Variants in PDE1C observed in about 807,000 individuals in gnomAD.
The protein encoded by PDE1C is phosphodiesterase 1C.
PDE1C carries 62 observed loss-of-function variants against 93.1 expected under a neutral mutation model. The ratio of observed to expected loss-of-function variants is 0.67; its 90% CI spans 0.54 to 0.82. The LOEUF is 0.82. Among genes scored for constraint, PDE1C ranks in the 40% least tolerant of loss-of-function variants. The probability of loss-of-function intolerance (pLI) is 0.00; values close to 1 mark genes in which losing one functional copy is unlikely to be tolerated. For missense variants in PDE1C, 742 were observed against 884.6 expected (o/e 0.84, Z 2.04); for synonymous variants, 325 against 310.1 (o/e 1.05, Z -0.50).
At position 31,850,906 on chromosome 7, in the gene PDE1C, C is replaced by T. The variant is rs77449259; in HGVS notation, c.751-165G>A. 3.0e-3 allele frequency: 1,819 copies of T among 598,322 alleles called. 29 individuals are homozygous for T. The highest frequency in any genetic ancestry group is 0.03 in the African/African-American group (1,619 of 54,078). The allele number at this position is 598,322 out of a possible 1,614,324, so 37.1% of individuals were successfully genotyped here. On this transcript the variant is annotated intron_variant, in intron 7 of 17. Transcript: ENST00000396191. ...AATAAGTTATTTTCCTGTGAAGAGA[C>T]TTGGAGACTTGTGATTTGTTAACAA...
At chr7:31,709,953 C>T in the PDE1C span, among the ~76,000 whole-genome samples, 1 of 152,046 alleles carries the variant, frequency 6.6e-6, no homozygotes, top group African/African-American at 2.4e-5. Flanking sequence ...AGCTCCAGAT[C>T]AGCCTGGGCA....
At chr7:32,214,624 A>T (rs1361413584) in intron 1 of PDE1C, among the ~76,000 whole-genome samples, 1 of 152,166 alleles carries the variant, frequency 6.6e-6, no homozygotes, top group Non-Finnish European at 1.5e-5. Context: ...AATTACCCCT[A>T]TTCACTTCTT....
At chr7:31,725,566 A>C in the PDE1C span, among the ~76,000 whole-genome samples, 1 of 152,170 alleles carries the variant, frequency 6.6e-6, no homozygotes, top group South Asian at 2.1e-4. Context: ...ATTTGGTTCT[A>C]AGGACTGTCC....
chr7:31,768,624 C>T (rs939176563), intron 17 of PDE1C, among the ~76,000 whole-genome samples: 1 of 152,144 alleles, frequency 6.6e-6, no homozygotes, highest in Non-Finnish European at 1.5e-5. Context: ...AACATCCCGC[C>T]TTCCATCTAT....
chr7:31,928,345 T>A (rs998846381), intron 2 of PDE1C, among the ~76,000 whole-genome samples: 5 of 152,262 alleles, frequency 3.3e-5, no homozygotes, highest in African/African-American at 1.2e-4. Flanking sequence ...TGGAACCAAG[T>A]TGGAAAACAC....
chr7:31,619,198 T>C, the PDE1C span, among the ~76,000 whole-genome samples: 13 of 152,346 alleles, frequency 8.5e-5, no homozygotes, highest in African/African-American at 2.9e-4. Flanking sequence ...GTGTCCTTTC[T>C]ATGTCTATTT....
chr7:32,100,888 C>A lies in PDE1C; in HGVS notation c.308+68897G>T, dbSNP rs75547908. On this transcript the variant is annotated intron_variant, in intron 3 of 18. Transcript: ENST00000396193. Reference sequence around the variant, plus strand: ...AAAAAAAAAGAACTGGACAAACATGCCTGTAAGAAAGGGTTGATTCAATTC... The same window carrying A: ...AAAAAAAAAGAACTGGACAAACATGACTGTAAGAAAGGGTTGATTCAATTC... Among the ~76,000 whole-genome samples, 641 of 152,256 alleles carry A rather than the reference C, an allele frequency of 4.2e-3. 5 individuals carry two copies. The highest frequency in any genetic ancestry group is 0.015 in the African/African-American group (617 of 41,538).
rs1169891525 is a variant in PDE1C at position 32,158,695 on chromosome 7, G to A, written c.308+11090C>T. Among the ~76,000 whole-genome samples the A allele has an allele frequency of 2.6e-5, 4 of 152,218 alleles. No individual in the cohort carries two copies. In the East Asian group the frequency reaches 5.8e-4, roughly 22 times the overall value. Reference sequence around the variant, plus strand: ...TCACAGGCCAGGAAACCTTCATTTCGATGCTACGTGTGCAGGAGACCAAGG... The same window carrying A: ...TCACAGGCCAGGAAACCTTCATTTCAATGCTACGTGTGCAGGAGACCAAGG... On this transcript the variant is annotated intron_variant, in intron 3 of 18. Transcript: ENST00000396193.
chr7:31,965,822 T>G (rs953270461), intron 2 of PDE1C, among the ~76,000 whole-genome samples: 40 of 152,086 alleles, frequency 2.6e-4, no homozygotes, highest in African/African-American at 9.6e-4. Context: ...TTAAAGAAAA[T>G]AATTTCCAAC....
At chr7:32,048,777 TA>T (rs796357252) in intron 2 of PDE1C, among the ~76,000 whole-genome samples, 1 of 152,266 alleles carries the variant, frequency 6.6e-6, no homozygotes, top group African/African-American at 2.4e-5. Flanking sequence ...CTACTTCATA[TA>T]AAAAATGTAT....
intron 1 of PDE1C, among the ~76,000 whole-genome samples, chr7:32,271,770 G>A (rs1810983180): frequency 6.6e-6 from 1 of 152,158 alleles, no homozygotes; most frequent in African/African-American, 2.4e-5. Context: ...TGTTTGCAAA[G>A]AAAATGAACA....
intron 3 of PDE1C, among the ~76,000 whole-genome samples, chr7:32,168,169 T>A (rs1584892288): frequency 6.6e-6 from 1 of 152,352 alleles, no homozygotes; most frequent in Middle Eastern, 3.4e-3. Flanking sequence ...TGCATGCACC[T>A]GCTGTCTTTT....
intron 2 of PDE1C, among the ~76,000 whole-genome samples, chr7:32,172,446 C>G (rs1437170990): frequency 6.6e-6 from 1 of 152,140 alleles, no homozygotes; most frequent in African/African-American, 2.4e-5. Context: ...AAAAAAAGCT[C>G]TACACCACTG....
intron 1 of PDE1C, among the ~76,000 whole-genome samples, chr7:32,291,199 T>C (rs1400362920): frequency 6.6e-6 from 1 of 152,174 alleles, no homozygotes; most frequent in East Asian, 1.9e-4. Flanking sequence ...TAATAAACTG[T>C]GAAGCCAAAA....
intron 17 of PDE1C, among the ~76,000 whole-genome samples, chr7:31,771,702 T>G (rs1795498035): frequency 6.6e-6 from 1 of 152,160 alleles, no homozygotes; most frequent in Non-Finnish European, 1.5e-5. Context: ...ACTGTATTCA[T>G]GTGTCTTTTG....
At chr7:31,876,417 G>A (rs752707151) in intron 5 of PDE1C, among the ~76,000 whole-genome samples, 1 of 152,128 alleles carries the variant, frequency 6.6e-6, no homozygotes, top group Non-Finnish European at 1.5e-5. Flanking sequence ...GCACATCACA[G>A]TTTGTTCCAA....
At chr7:31,670,989 G>A in the PDE1C span, among the ~76,000 whole-genome samples, 1 of 152,016 alleles carries the variant, frequency 6.6e-6, no homozygotes, top group Non-Finnish European at 1.5e-5. Context: ...CCAGATTCTG[G>A]GGAAAGATTA....
intron 7 of PDE1C, among the ~76,000 whole-genome samples, chr7:31,864,601 G>T (rs1795062086): frequency 1.3e-5 from 2 of 152,148 alleles, no homozygotes; most frequent in African/African-American, 4.8e-5. Context: ...CAGTATACAT[G>T]AATATCATTG....
At position 31,753,311 on chromosome 7, in the gene PDE1C, C is replaced by G; in HGVS notation, c.*73G>C. ...GCCTCCAAGGGTCTTGGAGGTGTGT[C>G]CTGCTGTGGCCAGTGGGTGCTGAGA... On this transcript the variant is annotated 3_prime_UTR_variant, in exon 18 of 18. Transcript: ENST00000396191. 6.4e-7 allele frequency: 1 copy of G among 1,550,672 alleles called. No homozygotes were observed. The highest frequency in any genetic ancestry group is 8.7e-7 in the Non-Finnish European group (1 of 1,147,742).
Sources: allele counts gnomAD v4.1 joint callset (sites outside exome capture counted in the v4.1 genomes callset), GRCh38; gene constraint gnomAD v4.1.1; transcripts MANE v1.5; gene names NCBI Gene and HGNC (gene_info 2026-07-23, HGNC 2026-07-21).